The following PTPRN variants were observed in gnomAD, a reference collection of about 807,000 sequenced individuals.
PTPRN encodes receptor-type tyrosine-protein phosphatase-like N.
Under a neutral mutation model 108.5 loss-of-function variants are expected in PTPRN, and 70 were observed. The observed-to-expected ratio is 0.65, with a 90% CI of 0.53 to 0.79. PTPRN has a LOEUF of 0.79. Among genes scored for constraint, PTPRN ranks in the 30% least tolerant of loss-of-function variants. The pLI, the probability that PTPRN is intolerant of heterozygous loss-of-function variation, is 0.00. For synonymous variants in PTPRN, 496 were observed against 524.6 expected, an observed-to-expected ratio of 0.95 and a Z score of 0.75; for missense variants, 1,136 against 1,295.5, an observed-to-expected ratio of 0.88 and a Z score of 1.89.
Position 219,297,931 on chromosome 2 carries a change from G to A in PTPRN, c.1841C>T (p.Ala614Val), listed in dbSNP as rs374509900. ...ACCATGGGCCCCCTCAGGCCCCAGGGCTGCCAGGCGCTCCTTGTCTTGCTG... is the reference window on the plus strand; with the variant it reads ...ACCATGGGCCCCCTCAGGCCCCAGGACTGCCAGGCGCTCCTTGTCTTGCTG... ...ARQQDKERLA[A>V]LGPEGAHGDT... Residue 614 changes from alanine to valine, a missense_variant, in exon 13 of 23, where the codon GCC becomes GTC. Transcript: ENST00000295718. The surrounding 1 kb of genome is among the most constrained non-coding windows in gnomAD (Gnocchi z 6.0). The A allele has an allele frequency of 4.3e-6, 7 of 1,612,774 alleles. No individual in the cohort carries two copies. Among genetic ancestry groups the A allele is most frequent in the Admixed American group, 1.7e-5 (1 of 59,930 alleles).
intron 3 of PTPRN, among the ~76,000 whole-genome samples, chr2:219,304,769 C>T (rs1434836683): frequency 6.6e-6 from 1 of 152,200 alleles, no homozygotes; most frequent in African/African-American, 2.4e-5. Flanking sequence ...TTCTTTCCTA[C>T]ATAATTTCCT....
chr2:219,309,018 C>T (rs1424536485), intron 1 of PTPRN, 200 bp downstream of exon 1: 3 of 1,535,288 alleles, frequency 2.0e-6, no homozygotes, highest in East Asian at 2.5e-5. Flanking sequence ...AGGTCCCGCC[C>T]CCGTATTCCC....
chr2:219,298,856 A>AG (rs1190361458), intron 12 of PTPRN, 191 bp downstream of exon 12: 24 of 682,652 alleles, frequency 3.5e-5, no homozygotes, highest in Non-Finnish European at 5.6e-5. Context: ...TCCTGCAGGG[A>AG]GGGGACACCT....
At chr2:219,293,634 A>G (rs1291944130) in intron 19 of PTPRN, among the ~76,000 whole-genome samples, 2 of 152,226 alleles carry the variant, frequency 1.3e-5, no homozygotes, top group Non-Finnish European at 2.9e-5. Context: ...TAAATATGGA[A>G]AAAAGGAAAT....
intron 1 of PTPRN, 170 bp downstream of exon 1, chr2:219,309,048 C>A (rs1315729208): frequency 1.3e-6 from 2 of 1,523,372 alleles, no homozygotes; most frequent in Non-Finnish European, 1.8e-6. Flanking sequence ...TCCAGGCCTA[C>A]GCCCCTTTCC....
At position 219,297,281 on chromosome 2, in the gene PTPRN, C is replaced by G. The variant is rs1296237082; in HGVS notation, c.2040G>C (p.Glu680Asp). The change falls in exon 14 of 23, where the codon GAG becomes GAC. Residue 680 changes from glutamate (E) to aspartate (D), a missense_variant. Physicochemically the swap from Glu to Asp is conservative, Grantham distance 45 (BLOSUM62 2). Coordinates refer to ENST00000295718, the MANE Select transcript of PTPRN (RefSeq NM_002846.4). This position sits in a 1 kb window ranked among gnomAD's most constrained non-coding sequence, Gnocchi z 6.0. ...SSHSSTPSWC[E>D]EPAQANMDIS... Reference sequence around the variant, plus strand: ...TGTCCATGTTGGCTTGGGCCGGCTCCTCGCACCAGGACGGGGTGCTGCTGT... The same window carrying G: ...TGTCCATGTTGGCTTGGGCCGGCTCGTCGCACCAGGACGGGGTGCTGCTGT... 1 of 1,613,972 alleles carries G rather than the reference C, an allele frequency of 6.2e-7. No individual in the cohort carries two copies. The highest frequency in any genetic ancestry group is 8.5e-7 in the Non-Finnish European group (1 of 1,180,042).
At position 219,290,442 on chromosome 2, in the gene PTPRN, G is replaced by A. The variant is rs1451038809; in HGVS notation, c.2868+96C>T. The A allele has an allele frequency of 7.1e-7, 1 of 1,404,910 alleles. No homozygotes were observed. The highest frequency in any genetic ancestry group is 1.4e-5 in the African/African-American group (1 of 70,084). 87.0% of individuals were successfully genotyped at this position (1,404,910 alleles called of 1,614,324 possible). A position where few individuals can be genotyped will look rare whatever the true frequency, so the allele number is the denominator to read the frequency against. ...TCCTGGAGGAGGCGCAGAAGCAGGT[G>A]GGAAAGGTTGGCAGCTGCTGCTTTC... On this transcript the variant is annotated intron_variant, in intron 22 of 22. Coordinates refer to ENST00000295718, the MANE Select transcript of PTPRN (RefSeq NM_002846.4). The surrounding 1 kb of genome is among the most constrained non-coding windows in gnomAD (Gnocchi z 4.2).
chr2:219,297,778 G>A lies in PTPRN; in HGVS notation c.1887+107C>T. 7.6e-7 allele frequency: 1 copy of A among 1,321,870 alleles called. No homozygotes were observed. The highest frequency in any genetic ancestry group is 2.3e-5 in the Admixed American group (1 of 44,230). 81.9% of individuals were successfully genotyped at this position (1,321,870 alleles called of 1,614,324 possible). ...TCCAGCCTCCACTGGACCTTCCCAG[G>A]GATGAGGGCTCACTCCCCATTCAGT... On this transcript the variant is annotated intron_variant, in intron 13 of 22. Coordinates refer to ENST00000295718, the MANE Select transcript of PTPRN (RefSeq NM_002846.4). This position sits in a 1 kb window ranked among gnomAD's most constrained non-coding sequence, Gnocchi z 6.0.
chr2:219,298,930 G>C, intron 12 of PTPRN, 117 bp downstream of exon 12: 1 of 1,264,552 alleles, frequency 7.9e-7, no homozygotes. Context: ...GCCGCCTCCA[G>C]CCAGCCGTGC....
chr2:219,299,187 AG>A, intron 11 of PTPRN, 76 bp from the exon 12 acceptor site: 7 of 1,604,140 alleles, frequency 4.4e-6, no homozygotes, highest in Non-Finnish European at 6.0e-6. Flanking sequence ...GCCAAGCAGC[AG>A]GCAGGGCCCA....
chr2:219,294,875 A>AGGCTCCAGGCCCGACCCGG (rs1416260305), intron 19 of PTPRN, 100 bp downstream of exon 19: 51 of 1,230,600 alleles, frequency 4.1e-5, no homozygotes, highest in Non-Finnish European at 5.0e-5. Context: ...TCAGAGGCCG[A>AGGCTCCAGGCCCGACCCGG]GGCTCCAGGC....
In PTPRN at chr2:219,289,829, G is replaced by A. The variant is rs796146921; in HGVS notation, c.*397C>T. On this transcript the variant is annotated 3_prime_UTR_variant, in exon 23 of 23. Transcript: ENST00000295718. ...CCGGGGCTGAGAAGCAGGGGGAGCC[G>A]GGTGTGGCGACCCTCCACCCCATTC... The A allele has an allele frequency of 1.2e-4, 22 of 180,202 alleles. No homozygotes were observed. The highest frequency in any genetic ancestry group is 2.6e-4 in the African/African-American group (11 of 42,394). 11.2% of individuals were successfully genotyped at this position (180,202 alleles called of 1,614,324 possible). A position where few individuals can be genotyped will look rare whatever the true frequency, so the allele number is the denominator to read the frequency against.
At chr2:219,294,049 G>A (rs1952112718) in intron 19 of PTPRN, 2 of 510,722 alleles carry the variant, frequency 3.9e-6, no homozygotes, top group South Asian at 1.5e-5. Flanking sequence ...CCTCTTCCCT[G>A]TACCCCTTGC....
intron 4 of PTPRN, among the ~76,000 whole-genome samples, 199 bp from the exon 5 acceptor site, chr2:219,303,036 T>C (rs930754783): frequency 6.6e-6 from 1 of 152,000 alleles, no homozygotes; most frequent in Admixed American, 6.6e-5. Context: ...AGGGCAGAGG[T>C]ATCTGCCTCC....
chr2:219,293,825 G>A (rs1254599474), intron 19 of PTPRN, among the ~76,000 whole-genome samples: 1 of 152,230 alleles, frequency 6.6e-6, no homozygotes, highest in African/African-American at 2.4e-5. Flanking sequence ...ACCAGGAGAA[G>A]GGCGCAGTGT....
rs752802666 is a variant in PTPRN, at chr2:219,300,956, G to C, written c.1148C>G (p.Ala383Gly). ...RNPGGVVNVG[A>G]DIKKTMEGPV... ...CTGGGGACTCACTTTCTTGATATCA[G>C]CTCCAACATTTACAACCCCTCCTGC... The change falls in exon 8 of 23, where the codon GCT becomes GGT. Residue 383 changes from alanine (A) to glycine (G), a missense_variant. Transcript: ENST00000295718. 1 of 1,614,112 alleles carries C rather than the reference G, an allele frequency of 6.2e-7. No homozygotes were observed. Among genetic ancestry groups the C allele is most frequent in the Non-Finnish European group, 8.5e-7 (1 of 1,180,022 alleles).
chr2:219,307,293 C>T, intron 3 of PTPRN, 151 bp downstream of exon 3: 1 of 649,788 alleles, frequency 1.5e-6, no homozygotes, highest in Non-Finnish European at 2.6e-6. Flanking sequence ...AATAGCCCAT[C>T]TCTAGGGTTC....
Position 219,302,735 on chromosome 2 carries a change from T to C in PTPRN, c.480A>G (p.Pro160=). 6.2e-7 allele frequency: 1 copy of C among 1,612,888 alleles called. No homozygotes were observed. The highest frequency in any genetic ancestry group is 8.5e-7 in the Non-Finnish European group (1 of 1,179,688). Residue 160 remains proline, a synonymous_variant, in exon 5 of 23, where the codon CCA becomes CCG. Coordinates refer to ENST00000295718, the MANE Select transcript of PTPRN (RefSeq NM_002846.4). The part of the protein sequence containing the change: ...APAAQHRLPQ[P]PVGKGGAGAS... Reference sequence around the variant, plus strand: ...CCCCAGCTCCACCTTTGCCCACTGGTGGTTGTGGAAGCCGATGCTGGGCAG... The same window carrying C: ...CCCCAGCTCCACCTTTGCCCACTGGCGGTTGTGGAAGCCGATGCTGGGCAG...
chr2:219,299,548 CG>C, intron 10 of PTPRN, 151 bp downstream of exon 10: 1 of 1,137,870 alleles, frequency 8.8e-7, no homozygotes, highest in African/African-American at 1.5e-5. Flanking sequence ...GGGCCAGCAA[CG>C]GGCTGGGTGT....
Sources: gnomAD v4.1 joint callset for allele counts (sites outside exome capture counted in the v4.1 genomes callset) on GRCh38, gnomAD v4.1.1 for gene constraint, Gnocchi (gnomAD v3.1) non-coding constraint, MANE v1.5 for transcripts, NCBI Gene and HGNC (gene_info 2026-07-23, HGNC 2026-07-21) for gene names.